SATL1: variants seen among roughly 807,000 people sequenced by gnomAD.
The protein encoded by SATL1 is spermidine/spermine N(1)-acetyltransferase-like protein 1.
In SATL1, 47 loss-of-function variants were observed where a neutral mutation model predicts 51.8. That is an observed-to-expected ratio of 0.91 (90% confidence interval 0.72 to 1.16). SATL1 has a LOEUF of 1.16. Ranked by LOEUF, SATL1 falls within the 50% of genes most tolerant of loss-of-function variation. SATL1 has a pLI of 0.00. For synonymous variants in SATL1, 176 were observed against 182.4 expected (o/e 0.97, Z 0.28); for missense variants, 520 against 526.4 (o/e 0.99, Z 0.12).
chrX:85,181,924 A>T lies in SATL1; in HGVS notation c.-313+42281T>A, dbSNP rs932984018. 9.9e-5 allele frequency among the ~76,000 whole-genome samples: 11 copies of T among 111,612 alleles called. No homozygotes were observed. The Admixed American group carries it at 1.1e-3, about 11-fold the overall frequency. Reference sequence around the variant, plus strand: ...CTGGATTTTTTTGTACATTTGAAACATATACCTCTTAAAGCAAGTTTTCTT... The same window carrying T: ...CTGGATTTTTTTGTACATTTGAAACTTATACCTCTTAAAGCAAGTTTTCTT... On this transcript the variant is annotated intron_variant, in intron 2 of 7. Transcript: ENST00000644105.
At chrX:85,188,195 T>C (rs979838049) in intron 2 of SATL1, among the ~76,000 whole-genome samples, 1 of 111,630 alleles carries the variant, frequency 9.0e-6, no homozygotes, top group African/African-American at 3.3e-5. Flanking sequence ...ATTCAAAAAA[T>C]ATATGTTAGC....
At chrX:85,109,834 C>A (rs780533929) in intron 2 of SATL1, among the ~76,000 whole-genome samples, 1 of 110,622 alleles carries the variant, frequency 9.0e-6, no homozygotes, top group East Asian at 2.8e-4. Flanking sequence ...TATAATGAAA[C>A]CTCATGTCTA....
intron 1 of SATL1, among the ~76,000 whole-genome samples, chrX:85,233,473 G>A (rs1337957765): frequency 3.6e-5 from 4 of 112,358 alleles, no homozygotes; most frequent in Non-Finnish European, 7.5e-5. Flanking sequence ...AGTGACAGAG[G>A]TATGTGACCT....
chrX:85,095,825 C>CAAAAAAA (rs144271899), intron 4 of SATL1, among the ~76,000 whole-genome samples: 1 of 32,731 alleles, frequency 3.1e-5, no homozygotes, highest in East Asian at 1.3e-3. Context: ...GACTCCGTCT[C>CAAAAAAA]AAAAAAAAAA....
intron 2 of SATL1, chrX:85,209,432 T>C (rs1426368887): frequency 8.9e-6 from 1 of 111,877 alleles, no homozygotes; most frequent in Non-Finnish European, 1.9e-5. Context: ...GGTAGCTTGA[T>C]GGGGATGGCA....
At chrX:85,164,723 ATTT>A (rs200523833) in intron 2 of SATL1, among the ~76,000 whole-genome samples, 2 of 92,975 alleles carry the variant, frequency 2.2e-5, no homozygotes, top group African/African-American at 3.9e-5. Context: ...TAGGTGATGA[ATTT>A]TTTTTTTTTT....
intron 2 of SATL1, among the ~76,000 whole-genome samples, chrX:85,161,897 G>A (rs945915320): frequency 1.3e-4 from 14 of 110,878 alleles, no homozygotes; most frequent in African/African-American, 4.6e-4. Flanking sequence ...CTCTAAAATC[G>A]ACCACACCAT....
intron 4 of SATL1, among the ~76,000 whole-genome samples, chrX:85,102,229 C>T (rs1924914435): frequency 9.6e-6 from 1 of 103,630 alleles, no homozygotes; most frequent in Non-Finnish European, 2.0e-5. Flanking sequence ...GCTATCCTTC[C>T]CCCCTCCCCC....
intron 2 of SATL1, among the ~76,000 whole-genome samples, chrX:85,192,699 T>C: frequency 9.0e-6 from 1 of 111,686 alleles, no homozygotes; most frequent in Admixed American, 9.6e-5. Context: ...CATACTACAT[T>C]GAATTATAAA....
chrX:85,191,378 T>C (rs1416253983), intron 2 of SATL1, among the ~76,000 whole-genome samples: 1 of 111,575 alleles, frequency 9.0e-6, no homozygotes, highest in Non-Finnish European at 1.9e-5. Flanking sequence ...ATCATTTCTT[T>C]TTTTTCCTTG....
intron 2 of SATL1, chrX:85,211,037 T>A (rs1306419958): frequency 8.1e-5 from 9 of 111,714 alleles, no homozygotes; most frequent in African/African-American, 2.9e-4. Context: ...GGGCATTAGA[T>A]GAAACTTAGG....
In SATL1 at chrX:85,207,716, T is replaced by C. The variant is rs149725939; in HGVS notation, c.-313+16489A>G. Reference sequence around the variant, plus strand: ...AAAATGGAATCCCTGATTGTGCCTATACAATACTCAAAAGGGTGTGTCAAA... The same window carrying C: ...AAAATGGAATCCCTGATTGTGCCTACACAATACTCAAAAGGGTGTGTCAAA... On this transcript the variant is annotated intron_variant, in intron 2 of 7. Transcript: ENST00000644105. 1,036 of 111,554 alleles carry C rather than the reference T, an allele frequency of 9.3e-3. 17 individuals carry two copies. Among genetic ancestry groups the C allele is most frequent in the African/African-American group, 0.032 (981 of 30,676 alleles). The allele number at this position is 111,554 out of a possible 1,213,427, so 9.2% of individuals were successfully genotyped here. A position where few individuals can be genotyped will look rare whatever the true frequency, so the allele number is the denominator to read the frequency against.
chrX:85,139,394 A>G (rs1051112157), intron 2 of SATL1, among the ~76,000 whole-genome samples: 4 of 111,836 alleles, frequency 3.6e-5, no homozygotes, highest in Non-Finnish European at 7.5e-5. Flanking sequence ...TCATATTATT[A>G]TCACAGTAAC....
intron 4 of SATL1, among the ~76,000 whole-genome samples, chrX:85,102,713 T>A: frequency 8.9e-6 from 1 of 111,821 alleles, no homozygotes; most frequent in Non-Finnish European, 1.9e-5. Context: ...AATGAAATAG[T>A]GTAGGGGCAT....
At chrX:85,157,781 T>C (rs1016588923) in intron 2 of SATL1, among the ~76,000 whole-genome samples, 2 of 111,624 alleles carry the variant, frequency 1.8e-5, no homozygotes, top group African/African-American at 6.5e-5. Context: ...TCTGCTATAG[T>C]TCTTGTTAAA....
intron 2 of SATL1, among the ~76,000 whole-genome samples, chrX:85,216,035 G>A (rs1167939550): frequency 8.9e-6 from 1 of 111,991 alleles, no homozygotes; most frequent in Admixed American, 9.5e-5. Flanking sequence ...TCATGATTCT[G>A]CAGGCTAGAT....
chrX:85,234,719 A>G (rs1433754629), intron 1 of SATL1, among the ~76,000 whole-genome samples: 2 of 111,333 alleles, frequency 1.8e-5, no homozygotes, highest in Non-Finnish European at 3.8e-5. Context: ...TTTACAAAAA[A>G]TAAAAAGCAA....
intron 2 of SATL1, among the ~76,000 whole-genome samples, chrX:85,127,662 A>G (rs2147704373): frequency 9.0e-6 from 1 of 111,721 alleles, no homozygotes; most frequent in South Asian, 3.8e-4. Flanking sequence ...TATTTTTATT[A>G]TACTTTAAGT....
At chrX:85,133,043 G>A (rs1000231643) in intron 2 of SATL1, among the ~76,000 whole-genome samples, 4 of 111,398 alleles carry the variant, frequency 3.6e-5, no homozygotes, top group African/African-American at 1.3e-4. Flanking sequence ...TCTCAGAGGG[G>A]CACCCAGCTG....
Sources: gnomAD v4.1 joint callset for allele counts (sites outside exome capture counted in the v4.1 genomes callset) on GRCh38, gnomAD v4.1.1 for gene constraint, MANE v1.5 for transcripts, NCBI Gene and HGNC (gene_info 2026-07-23, HGNC 2026-07-21) for gene names.